The following MRTFA variants were observed in gnomAD, a reference collection of about 807,000 sequenced individuals.
The protein encoded by MRTFA is myocardin related transcription factor A.
A neutral mutation model predicts 83.5 loss-of-function variants in MRTFA; 20 were observed. The observed-to-expected ratio is 0.24, with a 90% CI of 0.17 to 0.35. The LOEUF is 0.35. MRTFA is among the 10% of genes least tolerant of loss of function. The pLI, the probability that MRTFA is intolerant of heterozygous loss-of-function variation, is 1.00. For synonymous variants in MRTFA, 659 were observed against 541.2 expected, an observed-to-expected ratio of 1.22 and a Z score of -3.02; for missense variants, 1,200 against 1,224.7, an observed-to-expected ratio of 0.98 and a Z score of 0.30.
intron 3 of MRTFA, among the ~76,000 whole-genome samples, chr22:40,548,407 G>A (rs986844571): frequency 5.9e-4 from 88 of 149,788 alleles, no homozygotes; most frequent in African/African-American, 2.0e-3. Flanking sequence ...CCAAAAGAGG[G>A]GCATCTAACA....
intron 3 of MRTFA, among the ~76,000 whole-genome samples, chr22:40,506,230 G>A (rs573297733): frequency 3.9e-5 from 6 of 152,200 alleles, no homozygotes; most frequent in Admixed American, 1.3e-4. Flanking sequence ...GCGACAGAGC[G>A]AGACTCTTAT....
chr22:40,518,867 A>G (rs1286954924), intron 3 of MRTFA, among the ~76,000 whole-genome samples: 2 of 148,572 alleles, frequency 1.3e-5, no homozygotes, highest in East Asian at 2.0e-4. Context: ...TCTAAGTGTT[A>G]GCTATTATCA....
intron 3 of MRTFA, among the ~76,000 whole-genome samples, chr22:40,473,284 T>C (rs1186327147): frequency 6.6e-6 from 1 of 152,134 alleles, no homozygotes; most frequent in African/African-American, 2.4e-5. Flanking sequence ...CTCAGCCGCC[T>C]GAGTAGCTGG....
Position 40,418,384 on chromosome 22 carries a change from C to G in MRTFA, c.2354G>C (p.Ser785Thr), listed in dbSNP as rs901296771. The G allele has an allele frequency of 3.1e-6, 5 of 1,613,512 alleles. No homozygotes were observed. In the Admixed American group the frequency reaches 8.3e-5, roughly 27 times the overall value. The change falls in exon 12 of 15, where the codon AGC (serine) becomes ACC (threonine). Residue 785 changes from serine (S) to threonine (T), a missense_variant. Ser to Thr is a moderately conservative substitution (Grantham distance 58, BLOSUM62 1). This residue lies in a region of MRTFA where 1,107 missense variants were observed against 1,041.8 expected (regional missense o/e 1.06). Transcript: ENST00000355630. ...CCCATACCCAGGTACCTGCTGGGGG[C>G]TCCCACTGGACAGGCCAGGGCTGTC...
At chr22:40,539,545 C>A (rs1188579672) in intron 3 of MRTFA, among the ~76,000 whole-genome samples, 2 of 143,950 alleles carry the variant, frequency 1.4e-5, no homozygotes, top group Non-Finnish European at 3.1e-5. Flanking sequence ...TCTCTGTAGC[C>A]AGGCTGGAGT....
chr22:40,451,718 G>A (rs555266995), intron 4 of MRTFA, among the ~76,000 whole-genome samples: 8 of 152,072 alleles, frequency 5.3e-5, no homozygotes, highest in Admixed American at 4.6e-4. Context: ...TGACCTTCTA[G>A]GCTTCTCTTT....
At chr22:40,424,489 A>G in intron 7 of MRTFA, 108 bp from the exon 8 acceptor site, 2 of 1,192,450 alleles carry the variant, frequency 1.7e-6, no homozygotes, top group South Asian at 1.4e-5. Context: ...CACAGCCCAC[A>G]TGCCCCGTGA....
chr22:40,564,336 A>C (rs774925530), intron 2 of MRTFA, among the ~76,000 whole-genome samples: 1 of 152,232 alleles, frequency 6.6e-6, no homozygotes, highest in Non-Finnish European at 1.5e-5. Context: ...ATGGGAATGA[A>C]GACAATGAGA....
At chr22:40,419,425 G>C (rs143053577) in intron 11 of MRTFA, 41 bp from the exon 12 acceptor site, 1 of 1,588,552 alleles carries the variant, frequency 6.3e-7, no homozygotes, top group Non-Finnish European at 8.6e-7. Context: ...GGGGCAGCTG[G>C]ACACAGGGCA....
At position 40,411,721 on chromosome 22, in the gene MRTFA, G is replaced by A. The variant is rs774072204; in HGVS notation, c.2765C>T (p.Thr922Met). Residue 922 changes from threonine (T) to methionine (M), a missense_variant, in exon 15 of 15, where the codon ACG (threonine) becomes ATG (methionine). By Grantham distance (81) the Thr-to-Met change is moderately conservative. Coordinates refer to ENST00000355630, the MANE Select transcript of MRTFA (RefSeq NM_020831.6). ...CCCACTGGTCAGCAGGGGCAGCCCC[G>A]TGCTGCTCTCCAGGAAGTCCTCCAG... The A allele has an allele frequency of 1.0e-5, 16 of 1,567,530 alleles. No individual in the cohort carries two copies. Among genetic ancestry groups the A allele is most frequent in the East Asian group, 4.5e-5 (2 of 44,234 alleles).
At chr22:40,436,534 A>AAG (rs2053173287) in intron 4 of MRTFA, among the ~76,000 whole-genome samples, 1 of 152,184 alleles carries the variant, frequency 6.6e-6, no homozygotes, top group African/African-American at 2.4e-5. Context: ...ATACCACACA[A>AAG]AGACCACAAG....
Position 40,541,631 on chromosome 22 carries a change from C to T in MRTFA, c.241+10475G>A, listed in dbSNP as rs138793955. Among the ~76,000 whole-genome samples the T allele has an allele frequency of 3.9e-3, 591 of 152,210 alleles. 1 individual carries two copies. The highest frequency in any genetic ancestry group is 8.2e-3 in the Admixed American group (125 of 15,286). On this transcript the variant is annotated intron_variant, in intron 3 of 14. Transcript: ENST00000355630. ...TACCACAGGTATATTATTCCTTAGA[C>T]CCAGGATAGCTGATGGCTGTGTGTG...
chr22:40,423,387 C>T (rs1451398337), intron 9 of MRTFA, 149 bp downstream of exon 9: 2 of 692,976 alleles, frequency 2.9e-6, no homozygotes, highest in Non-Finnish European at 2.1e-6. Flanking sequence ...TCATGATGGA[C>T]AGCAGACAGA....
At chr22:40,617,411 C>CA (rs2056465024) in intron 1 of MRTFA, among the ~76,000 whole-genome samples, 2 of 152,064 alleles carry the variant, frequency 1.3e-5, no homozygotes, top group South Asian at 4.2e-4. Flanking sequence ...GCAAAAGAGA[C>CA]AAAAAATGGC....
intron 1 of MRTFA, among the ~76,000 whole-genome samples, chr22:40,626,158 G>C (rs1041274745): frequency 6.6e-6 from 1 of 151,928 alleles, no homozygotes; most frequent in African/African-American, 2.4e-5. Flanking sequence ...TGATTTTTTT[G>C]TATTTTTAGT....
At chr22:40,521,494 T>G (rs1395946083) in intron 3 of MRTFA, among the ~76,000 whole-genome samples, 1 of 151,124 alleles carries the variant, frequency 6.6e-6, no homozygotes, top group East Asian at 2.0e-4. Context: ...CAGCCTGAAT[T>G]AATTAATTAA....
chr22:40,531,262 C>CTTTTTTTTT (rs397868211), intron 3 of MRTFA, among the ~76,000 whole-genome samples: 6 of 108,104 alleles, frequency 5.6e-5, no homozygotes, highest in Non-Finnish European at 9.4e-5. Flanking sequence ...TCATACCTGG[C>CTTTTTTTTT]TTTTTTTTTT....
At chr22:40,425,493 T>G (rs2052934895) in intron 7 of MRTFA, among the ~76,000 whole-genome samples, 1 of 152,214 alleles carries the variant, frequency 6.6e-6, no homozygotes, top group Admixed American at 6.5e-5. Flanking sequence ...TCCTAGGAGC[T>G]CTTGCCCTCC....
chr22:40,525,503 C>T (rs905280576), intron 3 of MRTFA, among the ~76,000 whole-genome samples: 3 of 151,242 alleles, frequency 2.0e-5, no homozygotes, highest in Non-Finnish European at 4.4e-5. Context: ...CCCTGTCTCA[C>T]AAAAAAATTA....
Sources: allele counts gnomAD v4.1 joint callset (sites outside exome capture counted in the v4.1 genomes callset), GRCh38; gene constraint gnomAD v4.1.1; regional missense constraint gnomAD v4.1.1; transcripts MANE v1.5; gene names NCBI Gene and HGNC (gene_info 2026-07-23, HGNC 2026-07-21).